The following SORBS2 variants were observed in gnomAD, a reference collection of about 807,000 sequenced individuals.
SORBS2 encodes the protein sorbin and SH3 domain containing 2.
Under a neutral mutation model 97.7 loss-of-function variants are expected in SORBS2, and 46 were observed. The ratio of observed to expected loss-of-function variants is 0.47; its 90% CI spans 0.37 to 0.60. The LOEUF (loss-of-function observed/expected upper bound fraction) is 0.60, where lower values mean the gene tolerates loss of function less well. Among genes scored for constraint, SORBS2 ranks in the 20% least tolerant of loss-of-function variants. The pLI is 0.00. For synonymous variants in SORBS2, 476 were observed against 473.4 expected (o/e 1.01, Z -0.07); for missense variants, 1,316 against 1,282.3 (o/e 1.03, Z -0.40).
intron 1 of SORBS2, among the ~76,000 whole-genome samples, chr4:185,862,912 C>T (rs1247402514): frequency 6.6e-6 from 1 of 152,122 alleles, no homozygotes; most frequent in East Asian, 1.9e-4. Flanking sequence ...TTTGTTAGTA[C>T]CCATCCGCCT....
At chr4:185,662,419 C>G (rs1365900944) in intron 4 of SORBS2, among the ~76,000 whole-genome samples, 177 bp from the exon 8 acceptor site, 1 of 152,134 alleles carries the variant, frequency 6.6e-6, no homozygotes, top group Non-Finnish European at 1.5e-5. Flanking sequence ...CTCTCTATTC[C>G]CTTATTTCTG....
intron 2 of SORBS2, among the ~76,000 whole-genome samples, chr4:185,717,135 C>G (rs944268095): frequency 3.3e-5 from 5 of 152,294 alleles, no homozygotes; most frequent in African/African-American, 9.6e-5. Context: ...TCGTGGCTGG[C>G]GTGGGAGCGC....
In SORBS2 at chr4:185,819,507, C is replaced by T. The variant is rs188802310; in HGVS notation, c.-337-44141G>A. Among the ~76,000 whole-genome samples, 7 of 152,352 alleles carry T rather than the reference C, an allele frequency of 4.6e-5. No individual in the cohort carries two copies. The East Asian group carries it at 5.8e-4, about 13-fold the overall frequency. On this transcript the variant is annotated intron_variant, in intron 1 of 20. Coordinates refer to the SORBS2 transcript ENST00000284776. The stretch of plus-strand genomic sequence containing the variant: ...CAAAAACGTGGTCTTTTCAGCCGGA[C>T]GCCTTTTGGTCCCAGGTAAACCAGT...
At chr4:185,810,833 A>G (rs1396599531) in intron 1 of SORBS2, 3 of 152,224 alleles carry the variant, frequency 2.0e-5, no homozygotes, top group African/African-American at 7.2e-5. Flanking sequence ...GTATGAGCGC[A>G]GATTTGGATG....
At chr4:185,868,590 C>T in intron 1 of SORBS2, among the ~76,000 whole-genome samples, 1 of 152,120 alleles carries the variant, frequency 6.6e-6, no homozygotes, top group Non-Finnish European at 1.5e-5. Context: ...ATTGCCTCAC[C>T]ACTATTTAAT....
intron 1 of SORBS2, among the ~76,000 whole-genome samples, chr4:185,779,083 G>A (rs949468918): frequency 2.0e-5 from 3 of 152,180 alleles, no homozygotes; most frequent in Non-Finnish European, 2.9e-5. Context: ...GGCTCACGCT[G>A]GTAACATTTA....
intron 1 of SORBS2, among the ~76,000 whole-genome samples, chr4:185,951,351 G>A (rs1551438): frequency 0.18 from 27,631 of 152,042 alleles, 3,073 homozygotes; most frequent in East Asian, 0.58. Context: ...GATGACTAGC[G>A]TGGGATCCAT....
At chr4:185,672,941 C>T (rs1247067082) in intron 4 of SORBS2, among the ~76,000 whole-genome samples, 1 of 152,150 alleles carries the variant, frequency 6.6e-6, no homozygotes, top group African/African-American at 2.4e-5. Flanking sequence ...AAGCATATCA[C>T]AATCATCAAG....
chr4:185,866,424 T>A (rs2099226919), intron 1 of SORBS2, among the ~76,000 whole-genome samples: 1 of 152,202 alleles, frequency 6.6e-6, no homozygotes, highest in South Asian at 2.1e-4. Context: ...GTCCCTCCTA[T>A]GGAAAACAAG....
rs562587192 is a variant in SORBS2 at position 185,587,444 on chromosome 4, C to T, written c.*183G>A. ...ACTTTCACGGAGGGGGACCAGCCTG[C>T]CATGTCGTCCCCAGGCTCACAGCAG... is the stretch of plus-strand genomic sequence containing the variant. On this transcript the variant is annotated 3_prime_UTR_variant, in exon 15 of 15. Transcript: ENST00000418609. 4.8e-5 allele frequency: 29 copies of T among 606,630 alleles called. No individual in the cohort carries two copies. The African/African-American group carries it at 5.2e-4, about 11-fold the overall frequency. 37.6% of individuals were successfully genotyped at this position (606,630 alleles called of 1,614,324 possible).
rs141002836 is a variant in SORBS2 at position 185,615,051 on chromosome 4, G to C, written c.2460C>G (p.Tyr820Ter). Residue 820 changes from tyrosine (Y) to a stop codon, truncating the protein, a stop_gained, in exon 10 of 15, where the codon TAC becomes TAG. Transcript: ENST00000418609. LOFTEE classifies it high-confidence loss of function. ...AGAAAGGGAGAGGACCTACCTCTAC[G>C]TATGAGATCGGGAAGATGCCCACTC... 6.2e-7 allele frequency: 1 copy of C among 1,612,864 alleles called. No individual in the cohort carries two copies. The highest frequency in any genetic ancestry group is 8.5e-7 in the Non-Finnish European group (1 of 1,178,818).
At chr4:185,646,436 TACACACACATAC>T (rs1395483361) in intron 4 of SORBS2, 4 of 318,740 alleles carry the variant, frequency 1.3e-5, no homozygotes, top group Non-Finnish European at 2.2e-5. Context: ...TATATATAAA[TACACACACATAC>T]ACACACACAT....
intron 1 of SORBS2, among the ~76,000 whole-genome samples, chr4:185,847,970 C>T (rs1055827827): frequency 6.6e-6 from 1 of 152,150 alleles, no homozygotes; most frequent in Admixed American, 6.5e-5. Flanking sequence ...GCAGGGCTGA[C>T]CTGGCCTGAA....
chr4:185,814,760 C>A (rs903311355), intron 1 of SORBS2, among the ~76,000 whole-genome samples: 4 of 152,194 alleles, frequency 2.6e-5, no homozygotes, highest in African/African-American at 9.7e-5. Flanking sequence ...CTCTTTGCCC[C>A]GTGGCACGTC....
At chr4:185,778,405 C>A (rs1399480685) in intron 1 of SORBS2, among the ~76,000 whole-genome samples, 1 of 152,050 alleles carries the variant, frequency 6.6e-6, no homozygotes, top group Non-Finnish European at 1.5e-5. Context: ...AAAAAGTAGT[C>A]CACGGACCAA....
At chr4:185,820,246 T>A (rs2099195911) in intron 1 of SORBS2, among the ~76,000 whole-genome samples, 1 of 152,190 alleles carries the variant, frequency 6.6e-6, no homozygotes, top group South Asian at 2.1e-4. Context: ...ACTAGTGTCA[T>A]CAGTGGGAAC....
intron 2 of SORBS2, among the ~76,000 whole-genome samples, chr4:185,716,180 G>T (rs1165465006): frequency 6.6e-6 from 1 of 152,244 alleles, no homozygotes; most frequent in African/African-American, 2.4e-5. Context: ...AGATGGGCGT[G>T]GTCTCCCGTA....
At chr4:185,925,120 T>C (rs1039634560) in intron 1 of SORBS2, among the ~76,000 whole-genome samples, 1 of 152,188 alleles carries the variant, frequency 6.6e-6, no homozygotes, top group East Asian at 1.9e-4. Context: ...TATAAGACAA[T>C]GGTTTTGTTT....
At chr4:185,873,695 C>T (rs1362230180) in intron 1 of SORBS2, among the ~76,000 whole-genome samples, 5 of 152,152 alleles carry the variant, frequency 3.3e-5, no homozygotes, top group Non-Finnish European at 7.4e-5. Context: ...ACTCTACGCT[C>T]ATAATTTACC....
Sources: allele counts gnomAD v4.1 joint callset (sites outside exome capture counted in the v4.1 genomes callset), GRCh38; gene constraint gnomAD v4.1.1; transcripts MANE v1.5; gene names NCBI Gene and HGNC (gene_info 2026-07-23, HGNC 2026-07-21).